PITPNC1: variants seen among roughly 807,000 people sequenced by gnomAD.
PITPNC1 encodes the protein phosphatidylinositol transfer protein cytoplasmic 1.
In PITPNC1, 18 loss-of-function variants were observed where a neutral mutation model predicts 44.7. The observed-to-expected ratio is 0.40, with a 90% confidence interval of 0.28 to 0.60. The LOEUF is 0.60. Among genes scored for constraint, PITPNC1 ranks in the 20% least tolerant of loss-of-function variants. PITPNC1 has a pLI of 0.39. For synonymous variants in PITPNC1, 141 were observed against 149.6 expected, an observed-to-expected ratio of 0.94 and a Z score of 0.42; for missense variants, 290 against 418.4, an observed-to-expected ratio of 0.69 and a Z score of 2.68.
intron 1 of PITPNC1, among the ~76,000 whole-genome samples, chr17:67,388,372 G>A (rs1025949484): frequency 2.7e-5 from 4 of 150,378 alleles, no homozygotes; most frequent in Admixed American, 6.6e-5. Flanking sequence ...TGTTGCCCAG[G>A]CTGGAGTGCA....
chr17:67,426,845 T>C (rs765959901), intron 1 of PITPNC1, among the ~76,000 whole-genome samples: 3 of 152,228 alleles, frequency 2.0e-5, no homozygotes, highest in Non-Finnish European at 4.4e-5. Context: ...CCACATTTGT[T>C]TCCTGTAAAA....
At chr17:67,616,431 G>A (rs769303200) in intron 5 of PITPNC1, among the ~76,000 whole-genome samples, 2 of 152,180 alleles carry the variant, frequency 1.3e-5, no homozygotes, top group Non-Finnish European at 1.5e-5. Flanking sequence ...ATGAGCCACC[G>A]TGCCCAGCCT....
At chr17:67,679,608 A>G (rs947524381) in intron 8 of PITPNC1, among the ~76,000 whole-genome samples, 4 of 152,188 alleles carry the variant, frequency 2.6e-5, no homozygotes, top group Admixed American at 6.5e-5. Context: ...TGAATTTTGT[A>G]TCTCTTCTGA....
Position 67,692,683 on chromosome 17 carries a change from C to T in PITPNC1, c.794C>T (p.Pro265Leu). ...TCTATCTCCAGCATCCCCCTGCTGCCTTCTTCCGTCCGCAGTGCGCCTTCT... is the reference window on the plus strand; with the variant it reads ...TCTATCTCCAGCATCCCCCTGCTGCTTTCTTCCGTCCGCAGTGCGCCTTCT... The part of the protein sequence containing the change: ...AISISSIPLL[P>L]SSVRSAPSSA... The change falls in exon 9 of 9, where the codon CCT (proline) becomes CTT (leucine). Residue 265 changes from proline to leucine, a missense_variant. Transcript: ENST00000581322. The T allele has an allele frequency of 2.5e-6, 4 of 1,613,872 alleles. No individual in the cohort carries two copies. Among genetic ancestry groups the T allele is most frequent in the Non-Finnish European group, 3.4e-6 (4 of 1,179,774 alleles).
chr17:67,560,141 A>G (rs998958165), intron 4 of PITPNC1, among the ~76,000 whole-genome samples: 1 of 152,184 alleles, frequency 6.6e-6, no homozygotes, highest in Non-Finnish European at 1.5e-5. Context: ...GTGAATCTCC[A>G]AAGGGAGCTG....
intron 1 of PITPNC1, among the ~76,000 whole-genome samples, chr17:67,454,054 C>T (rs1567995929): frequency 6.6e-6 from 1 of 152,082 alleles, no homozygotes; most frequent in African/African-American, 2.4e-5. Flanking sequence ...AGTTGGAGAC[C>T]ACCCTGGCCA....
At chr17:67,392,636 A>G (rs2038155053) in intron 1 of PITPNC1, among the ~76,000 whole-genome samples, 1 of 152,218 alleles carries the variant, frequency 6.6e-6, no homozygotes, top group Non-Finnish European at 1.5e-5. Context: ...GAATGTTAAA[A>G]ACAATGAAAA....
intron 5 of PITPNC1, among the ~76,000 whole-genome samples, chr17:67,580,770 C>A (rs560407033): frequency 6.6e-5 from 10 of 152,222 alleles, no homozygotes; most frequent in East Asian, 3.9e-4. Flanking sequence ...GTAGAGAGGC[C>A]AGGTGCTATG....
At chr17:67,622,293 A>T (rs1237136865) in intron 5 of PITPNC1, among the ~76,000 whole-genome samples, 1 of 151,010 alleles carries the variant, frequency 6.6e-6, no homozygotes, top group African/African-American at 2.4e-5. Context: ...GTGGTTTTGA[A>T]GAGACCCATA....
chr17:67,573,856 C>T (rs960192244), intron 4 of PITPNC1, among the ~76,000 whole-genome samples: 5 of 152,202 alleles, frequency 3.3e-5, no homozygotes, highest in South Asian at 4.1e-4. Context: ...CCACCATGCC[C>T]GGCTACTGAC....
chr17:67,570,312 G>T (rs2041035570), intron 4 of PITPNC1, among the ~76,000 whole-genome samples: 1 of 152,230 alleles, frequency 6.6e-6, no homozygotes, highest in Admixed American at 6.5e-5. Flanking sequence ...AGCTGCCAAG[G>T]ATGGAGCCTG....
chr17:67,453,627 C>G (rs1416786324), intron 1 of PITPNC1, among the ~76,000 whole-genome samples: 7 of 152,180 alleles, frequency 4.6e-5, no homozygotes, highest in Non-Finnish European at 1.0e-4. Flanking sequence ...ACATCAGCGA[C>G]GTTGTGGAGG....
chr17:67,541,351 T>G (rs921666446), intron 2 of PITPNC1, among the ~76,000 whole-genome samples: 4 of 152,196 alleles, frequency 2.6e-5, no homozygotes, highest in African/African-American at 9.6e-5. Context: ...GTCTTATCTT[T>G]GGATCCCAAA....
At chr17:67,598,183 C>G (rs1306841534) in intron 5 of PITPNC1, among the ~76,000 whole-genome samples, 1 of 152,038 alleles carries the variant, frequency 6.6e-6, no homozygotes, top group Non-Finnish European at 1.5e-5. Context: ...GATCACGCCA[C>G]TGCACTCCAG....
chr17:67,666,811 G>T (rs1021393290), intron 6 of PITPNC1, among the ~76,000 whole-genome samples: 3 of 152,220 alleles, frequency 2.0e-5, no homozygotes, highest in African/African-American at 7.2e-5. Flanking sequence ...AACAGAGGAG[G>T]CAGATCTGTA....
intron 7 of PITPNC1, among the ~76,000 whole-genome samples, chr17:67,673,616 A>T (rs2042548998): frequency 6.6e-6 from 1 of 152,070 alleles, no homozygotes. Context: ...ACCTAAAAGG[A>T]TATTTACTTA....
At position 67,377,787 on chromosome 17, in the gene PITPNC1, T is replaced by G; in HGVS notation, c.-368T>G. ...GTTTTAATTTTTGGAAATCTCTCTT[T>G]TTTCCTCCCTCGCTCGCTGCCGGGC... On this transcript the variant is annotated 5_prime_UTR_variant, in exon 1 of 9. Coordinates refer to ENST00000581322, the MANE Select transcript of PITPNC1 (RefSeq NM_012417.4). 1 of 228,358 alleles carries G rather than the reference T, an allele frequency of 4.4e-6. No individual in the cohort carries two copies. The allele number at this position is 228,358 out of a possible 1,614,324, so 14.1% of individuals were successfully genotyped here. A position where few individuals can be genotyped will look rare whatever the true frequency, so the allele number is the denominator to read the frequency against.
At chr17:67,639,941 G>T (rs567287098) in intron 6 of PITPNC1, among the ~76,000 whole-genome samples, 2 of 152,266 alleles carry the variant, frequency 1.3e-5, no homozygotes, top group African/African-American at 4.8e-5. Flanking sequence ...TCCCTCAAAT[G>T]AAAAATATTT....
At chr17:67,674,066 G>T (rs1193951912) in intron 7 of PITPNC1, among the ~76,000 whole-genome samples, 6 of 151,998 alleles carry the variant, frequency 3.9e-5, no homozygotes, top group Admixed American at 3.9e-4. Flanking sequence ...AAACATTTAG[G>T]GGGTACATGA....
Sources: gnomAD v4.1 joint callset for allele counts (sites outside exome capture counted in the v4.1 genomes callset) on GRCh38, gnomAD v4.1.1 for gene constraint, MANE v1.5 for transcripts, NCBI Gene and HGNC (gene_info 2026-07-23, HGNC 2026-07-21) for gene names.